Variants in IL23R observed in about 807,000 individuals in gnomAD.
IL23R encodes interleukin 23 receptor.
A neutral mutation model predicts 56.9 loss-of-function variants in IL23R; 34 were observed. The observed-to-expected ratio is 0.60, with a 90% CI of 0.45 to 0.80. The LOEUF (loss-of-function observed/expected upper bound fraction) is 0.80. IL23R is among the 30% of genes least tolerant of loss of function. The pLI, the probability that IL23R is intolerant of heterozygous loss-of-function variation, is 0.00. For synonymous variants in IL23R, 230 were observed against 249.2 expected (o/e 0.92, Z 0.73); for missense variants, 635 against 730.0 (o/e 0.87, Z 1.50).
chr1:67,260,244 AC>A (rs1398182020), downstream of IL23R, among the ~76,000 whole-genome samples: 1 of 152,132 alleles, frequency 6.6e-6, no homozygotes, highest in African/African-American at 2.4e-5. Flanking sequence ...TGCTGTCTTC[AC>A]TTAAGTCAAG....
intron 5 of IL23R, among the ~76,000 whole-genome samples, chr1:67,206,066 G>A (rs1224026535): frequency 6.6e-6 from 1 of 150,986 alleles, no homozygotes; most frequent in African/African-American, 2.4e-5. Context: ...AGGCTGGAGT[G>A]CAGTGGCATG....
intron 4 of IL23R, among the ~76,000 whole-genome samples, chr1:67,197,186 G>A (rs1429442097): frequency 2.0e-5 from 3 of 152,172 alleles, no homozygotes; most frequent in African/African-American, 4.8e-5. Flanking sequence ...AGAGAGGAAG[G>A]CCCTCTAACC....
Position 67,259,196 on chromosome 1 carries a change from GA to G in IL23R, c.*71del, listed in dbSNP as rs1473467813. 3.4e-6 allele frequency: 5 copies of G among 1,476,086 alleles called. No homozygotes were observed. In the African/African-American group the frequency reaches 7.0e-5, roughly 21 times the overall value. The allele number at this position is 1,476,086 out of a possible 1,614,324, so 91.4% of individuals were successfully genotyped here. A position where few individuals can be genotyped will look rare whatever the true frequency, so the allele number is the denominator to read the frequency against. On this transcript the variant is annotated 3_prime_UTR_variant, in exon 11 of 11. Transcript: ENST00000347310. ...CTGAACTTGGGTTTTCCCTGCAATAGAAATTGAATTCTGCCTCTTTTTGAAA... is the reference window on the plus strand; with the variant it reads ...CTGAACTTGGGTTTTCCCTGCAATAGAATTGAATTCTGCCTCTTTTTGAAA...
At chr1:67,227,950 CTT>C (rs78729341) in intron 7 of IL23R, among the ~76,000 whole-genome samples, 9,378 of 62,386 alleles carry the variant, frequency 0.15, 901 homozygotes, top group East Asian at 0.32. Flanking sequence ...ATCTTTCTTT[CTT>C]TCTTTCTTTC....
Position 67,168,196 on chromosome 1 carries a change from G to A in IL23R, c.70+6G>A, listed in dbSNP as rs763952944. ...CTTCAGCTGGTGTCATGGAGGTATG[G>A]TGTTTTATGTATCTATTGCTATCTT... On this transcript the variant is annotated splice_donor_region_variant and intron_variant, in intron 2 of 10. Coordinates refer to ENST00000347310, the MANE Select transcript of IL23R (RefSeq NM_144701.3). 9 of 1,584,054 alleles carry A rather than the reference G, an allele frequency of 5.7e-6. No homozygotes were observed. Among genetic ancestry groups the A allele is most frequent in the Non-Finnish European group, 6.9e-6 (8 of 1,152,918 alleles).
At chr1:67,142,529 A>G (rs1646647423) in intron 1 of IL23R, among the ~76,000 whole-genome samples, 2 of 152,298 alleles carry the variant, frequency 1.3e-5, no homozygotes, top group East Asian at 1.9e-4. Context: ...CAGGTATTTT[A>G]TAAATACAGC....
intron 4 of IL23R, among the ~76,000 whole-genome samples, chr1:67,190,733 A>G (rs1357445123): frequency 6.6e-6 from 1 of 152,208 alleles, no homozygotes; most frequent in African/African-American, 2.4e-5. Flanking sequence ...GTGCATGACA[A>G]GCTCATAAAC....
At chr1:67,211,321 A>G (rs974189364) in intron 6 of IL23R, among the ~76,000 whole-genome samples, 1 of 152,242 alleles carries the variant, frequency 6.6e-6, no homozygotes, top group Non-Finnish European at 1.5e-5. Flanking sequence ...ATGATATTAA[A>G]GAATACTGAG....
chr1:67,262,303 T>G (rs576416909), downstream of IL23R, among the ~76,000 whole-genome samples: 10 of 152,090 alleles, frequency 6.6e-5, no homozygotes, highest in South Asian at 1.9e-3. Context: ...GAGCTTACAT[T>G]TTAGTAGGGG....
At chr1:67,244,726 A>T (rs1366205833) in intron 9 of IL23R, among the ~76,000 whole-genome samples, 2 of 152,144 alleles carry the variant, frequency 1.3e-5, no homozygotes, top group African/African-American at 4.8e-5. Flanking sequence ...CTTGTAGTAT[A>T]GTTTGAAGTC....
intron 7 of IL23R, 119 bp from the exon 8 acceptor site, chr1:67,236,594 C>T: frequency 1.4e-6 from 1 of 717,182 alleles, no homozygotes; most frequent in Non-Finnish European, 2.6e-6. Flanking sequence ...ACCCTTCAAG[C>T]CCATTAAAGT....
At chr1:67,140,112 A>G (rs1646622344) in intron 1 of IL23R, among the ~76,000 whole-genome samples, 1 of 152,224 alleles carries the variant, frequency 6.6e-6, no homozygotes, top group Non-Finnish European at 1.5e-5. Context: ...CATAACTGTG[A>G]GAAATAATTC....
upstream of IL23R, chr1:67,166,398 C>T (rs1646874230): frequency 6.6e-6 from 1 of 152,324 alleles, no homozygotes; most frequent in South Asian, 2.1e-4. Flanking sequence ...GGTCAGGGCT[C>T]TGCTGACATT....
intron 4 of IL23R, among the ~76,000 whole-genome samples, chr1:67,199,269 A>G (rs996606218): frequency 6.6e-6 from 1 of 152,124 alleles, no homozygotes; most frequent in Non-Finnish European, 1.5e-5. Flanking sequence ...CAGAAATGTC[A>G]TGTTATTTCA....
chr1:67,205,915 C>CTTTCTTTCTTTCTTTCTTTCTCTT (rs58824749), intron 5 of IL23R, among the ~76,000 whole-genome samples: 1 of 123,134 alleles, frequency 8.1e-6, no homozygotes, highest in Non-Finnish European at 1.8e-5. Flanking sequence ...TTCTTTCTTT[C>CTTTCTTTCTTTCTTTCTTTCTCTT]TTTCTTTCTT....
At chr1:67,219,784 T>C in intron 7 of IL23R, 54 bp downstream of exon 7, 1 of 1,536,142 alleles carries the variant, frequency 6.5e-7, no homozygotes, top group Non-Finnish European at 9.0e-7. Flanking sequence ...ATATCTTTTC[T>C]GCTGAGCACA....
upstream of IL23R, among the ~76,000 whole-genome samples, chr1:67,162,078 GA>G (rs1428177143): frequency 2.0e-5 from 3 of 151,564 alleles, no homozygotes; most frequent in African/African-American, 7.3e-5. Flanking sequence ...CTATCTTATT[GA>G]ATAAAGTTAA....
intron 9 of IL23R, among the ~76,000 whole-genome samples, chr1:67,246,799 G>A (rs1191479732): frequency 3.9e-5 from 6 of 152,170 alleles, no homozygotes; most frequent in Non-Finnish European, 5.9e-5. Context: ...TTGATTTGGG[G>A]TGGACAGTTC....
chr1:67,181,880 G>C (rs1647148857), intron 3 of IL23R, among the ~76,000 whole-genome samples: 1 of 152,190 alleles, frequency 6.6e-6, no homozygotes, highest in Admixed American at 6.5e-5. Context: ...AGGTCTGTTG[G>C]AGTTTGCTGG....
Sources: gnomAD v4.1 joint callset for allele counts (sites outside exome capture counted in the v4.1 genomes callset) on GRCh38, gnomAD v4.1.1 for gene constraint, MANE v1.5 for transcripts, NCBI Gene and HGNC (gene_info 2026-07-23, HGNC 2026-07-21) for gene names.